CDH2: variants seen among roughly 807,000 people sequenced by gnomAD.
The protein encoded by CDH2 is cadherin 2.
CDH2 carries 17 observed loss-of-function variants against 92.0 expected under a neutral mutation model. The observed-to-expected ratio is 0.18, with a 90% CI of 0.13 to 0.28. CDH2 has a LOEUF of 0.28. Among genes scored for constraint, CDH2 ranks in the 10% least tolerant of loss-of-function variants. The pLI is 1.00. For missense variants in CDH2, 862 were observed against 1,133.1 expected (o/e 0.76, Z 3.44); for synonymous variants, 419 against 415.9 (o/e 1.01, Z -0.09).
chr18:28,094,792 TAAA>T (rs35744873), intron 2 of CDH2, among the ~76,000 whole-genome samples: 4 of 82,378 alleles, frequency 4.9e-5, no homozygotes, highest in Non-Finnish European at 9.0e-5. Context: ...AGACTCTGTC[TAAA>T]AAAAAAAAAA....
intron 2 of CDH2, among the ~76,000 whole-genome samples, chr18:28,062,783 GCCAA>G (rs2014428669): frequency 1.3e-5 from 2 of 152,130 alleles, no homozygotes; most frequent in African/African-American, 2.4e-5. Flanking sequence ...AGACCAGCCT[GCCAA>G]CATGGTGAAA....
chr18:27,999,301 C>A (rs1895661607), intron 7 of CDH2, among the ~76,000 whole-genome samples: 1 of 151,978 alleles, frequency 6.6e-6, no homozygotes, highest in South Asian at 2.1e-4. Context: ...GTCTGGAATG[C>A]ACTATTAAAA....
chr18:27,963,398 C>A lies in CDH2; in HGVS notation c.2473G>T (p.Ala825Ser), dbSNP rs1277644544. The part of the protein sequence containing the change: ...HAEPQYPVRS[A>S]APHPGDIGDF... ...CCAATGTCTCCAGGGTGTGGGGCTG[C>A]AGATCGGACCGGATACTGGGGCTCG... The change falls in exon 15 of 16, where the codon GCA becomes TCA. Residue 825 changes from alanine (A) to serine (S), a missense_variant. Coordinates refer to ENST00000269141, the MANE Select transcript of CDH2 (RefSeq NM_001792.5). 2 of 1,614,102 alleles carry A rather than the reference C, an allele frequency of 1.2e-6. No individual in the cohort carries two copies. Among genetic ancestry groups the A allele is most frequent in the South Asian group, 2.2e-5 (2 of 91,078 alleles).
chr18:28,151,164 G>A (rs553603597), intron 1 of CDH2, among the ~76,000 whole-genome samples: 27 of 152,370 alleles, frequency 1.8e-4, no homozygotes, highest in South Asian at 6.2e-4. Flanking sequence ...CTGCACTGTG[G>A]TGGTAATCCT....
At chr18:28,043,361 G>T (rs1174806871) in intron 2 of CDH2, among the ~76,000 whole-genome samples, 1 of 150,456 alleles carries the variant, frequency 6.6e-6, no homozygotes, top group Non-Finnish European at 1.5e-5. Flanking sequence ...AGTGTACACT[G>T]CTTGGGTGAC....
At chr18:28,111,258 C>G (rs2015408032) in intron 2 of CDH2, among the ~76,000 whole-genome samples, 1 of 152,172 alleles carries the variant, frequency 6.6e-6, no homozygotes, top group Non-Finnish European at 1.5e-5. Context: ...GTCCCGGAGC[C>G]CACTTGCTGA....
In CDH2 at chr18:27,956,850, CAG is replaced by C. The variant is rs200152859; in HGVS notation, c.2515-4493_2515-4492del. Reference sequence around the variant, plus strand: ...GTTTAAGAAAATAACAAGAAGTACACAGAGAGGGAAAAAACTGGAAGGTGTTA... The same window carrying C: ...GTTTAAGAAAATAACAAGAAGTACACAGAGGGAAAAAACTGGAAGGTGTTA... On this transcript the variant is annotated intron_variant, in intron 15 of 15. Coordinates refer to ENST00000269141, the MANE Select transcript of CDH2 (RefSeq NM_001792.5). Among the ~76,000 whole-genome samples, 116 of 152,242 alleles carry C rather than the reference CAG, an allele frequency of 7.6e-4. 4 individuals are homozygous for C. In the East Asian group the frequency reaches 0.017, roughly 23 times the overall value.
intron 6 of CDH2, among the ~76,000 whole-genome samples, chr18:27,944,741 G>A (rs1262517912): frequency 2.4e-5 from 3 of 127,490 alleles, no homozygotes; most frequent in Non-Finnish European, 3.2e-5. Flanking sequence ...GCAACATAGT[G>A]AGACTTCCTT....
chr18:28,056,306 T>G (rs941776023), intron 2 of CDH2, among the ~76,000 whole-genome samples: 2 of 152,168 alleles, frequency 1.3e-5, no homozygotes, highest in African/African-American at 2.4e-5. Flanking sequence ...AAAACTACAC[T>G]GATGCAAAAC....
chr18:28,139,820 G>C (rs1006369283), intron 2 of CDH2, among the ~76,000 whole-genome samples: 5 of 151,932 alleles, frequency 3.3e-5, no homozygotes, highest in Non-Finnish European at 7.4e-5. Context: ...CAGCTCCACA[G>C]TGATTTTATT....
chr18:28,032,912 A>T (rs781143500), intron 2 of CDH2, among the ~76,000 whole-genome samples: 6 of 152,112 alleles, frequency 3.9e-5, no homozygotes, highest in Non-Finnish European at 8.8e-5. Context: ...GTGAGTATAG[A>T]GATAGACATG....
intron 2 of CDH2, among the ~76,000 whole-genome samples, chr18:28,037,505 T>G (rs910602283): frequency 6.6e-6 from 1 of 152,118 alleles, no homozygotes; most frequent in Non-Finnish European, 1.5e-5. Context: ...GCGAGAAAAC[T>G]TACAGAAATA....
At chr18:28,118,141 A>G (rs907366910) in intron 2 of CDH2, among the ~76,000 whole-genome samples, 4 of 151,832 alleles carry the variant, frequency 2.6e-5, no homozygotes, top group African/African-American at 9.7e-5. Context: ...TGTTCTATCC[A>G]TACAATAAAA....
intron 2 of CDH2, among the ~76,000 whole-genome samples, chr18:28,118,523 TTC>T (rs2015533358): frequency 6.6e-6 from 1 of 151,992 alleles, no homozygotes; most frequent in Non-Finnish European, 1.5e-5. Context: ...GAGCCAAGTG[TTC>T]TTTGTTGTTG....
intron 6 of CDH2, 29 bp from the exon 7 acceptor site, chr18:28,003,198 G>T: frequency 1.3e-6 from 2 of 1,567,132 alleles, no homozygotes; most frequent in Non-Finnish European, 1.8e-6. Flanking sequence ...GAAAATGAAT[G>T]GTTACCCTTC....
At chr18:28,051,393 T>A (rs1241199437) in intron 2 of CDH2, among the ~76,000 whole-genome samples, 1 of 152,148 alleles carries the variant, frequency 6.6e-6, no homozygotes, top group Admixed American at 6.6e-5. Context: ...AATCCCTGCA[T>A]AATTAATAGG....
rs76315324 is a variant in CDH2 at position 27,965,364 on chromosome 18, T to G, written c.2350-1843A>C. Among the ~76,000 whole-genome samples, 348 of 152,322 alleles carry G rather than the reference T, an allele frequency of 2.3e-3. 2 individuals carry two copies. The highest frequency in any genetic ancestry group is 8.1e-3 in the African/African-American group (336 of 41,574). On this transcript the variant is annotated intron_variant, in intron 14 of 15. Transcript: ENST00000269141. ...TGTGATGCGGAAAGCGAGGTAGGTATAGAGACTTCGAACCCGCCAGAGTGG... is the reference window on the plus strand; with the variant it reads ...TGTGATGCGGAAAGCGAGGTAGGTAGAGAGACTTCGAACCCGCCAGAGTGG...
At chr18:28,089,038 C>T (rs1043070212) in intron 2 of CDH2, among the ~76,000 whole-genome samples, 19 of 152,290 alleles carry the variant, frequency 1.2e-4, no homozygotes, top group African/African-American at 4.6e-4. Flanking sequence ...TAGTTTCATT[C>T]ATTTGCTCTT....
intron 2 of CDH2, among the ~76,000 whole-genome samples, chr18:28,033,862 A>G (rs2013759495): frequency 1.3e-5 from 2 of 152,214 alleles, no homozygotes; most frequent in Non-Finnish European, 2.9e-5. Flanking sequence ...ATCTAATGAG[A>G]TGAATTATTA....
Sources: allele counts gnomAD v4.1 joint callset (sites outside exome capture counted in the v4.1 genomes callset), GRCh38; gene constraint gnomAD v4.1.1; transcripts MANE v1.5; gene names NCBI Gene and HGNC (gene_info 2026-07-23, HGNC 2026-07-21).